DYRK1A: variants seen among roughly 807,000 people sequenced by gnomAD.
The protein encoded by DYRK1A is dual specificity tyrosine phosphorylation regulated kinase 1A.
DYRK1A carries 9 observed loss-of-function variants against 79.7 expected under a neutral mutation model. The observed-to-expected ratio is 0.11, with a 90% CI of 0.07 to 0.20. The LOEUF (loss-of-function observed/expected upper bound fraction) is 0.20, where lower values mean the gene tolerates loss of function less well. Among genes scored for constraint, DYRK1A ranks in the 10% least tolerant of loss-of-function variants. DYRK1A has a pLI of 1.00. For synonymous variants in DYRK1A, 349 were observed against 329.7 expected (o/e 1.06, Z -0.63); for missense variants, 622 against 956.0 (o/e 0.65, Z 4.61).
intron 9 of DYRK1A, among the ~76,000 whole-genome samples, chr21:37,496,646 ATTTTT>A: frequency 6.8e-6 from 1 of 147,562 alleles, no homozygotes. Flanking sequence ...GGAGTAAATG[ATTTTT>A]TTTTTTTAAG....
intron 2 of DYRK1A, among the ~76,000 whole-genome samples, chr21:37,425,442 A>G (rs1206659919): frequency 6.6e-6 from 1 of 152,178 alleles, no homozygotes; most frequent in Admixed American, 6.5e-5. Context: ...TGATTACATT[A>G]TGTATGTGTC....
In DYRK1A at chr21:37,505,579, G is replaced by T. The variant is rs763907769; in HGVS notation, c.1509G>T (p.Ser503=). ...SQSSGTTSST[S]SSSGGSSGTS... is the part of the protein sequence containing the mutation. ...CTTCGGGCACCACCTCCAGTACATC[G>T]TCAAGCTCAGGTCTGTGCTGCTGCG... The change falls in exon 10 of 12, where the codon TCG becomes TCT. Residue 503 remains serine, a synonymous_variant. Coordinates refer to ENST00000647188, the MANE Select transcript of DYRK1A (RefSeq NM_001347721.2). The T allele has an allele frequency of 3.7e-6, 6 of 1,602,984 alleles. No individual in the cohort carries two copies. The highest frequency in any genetic ancestry group is 3.3e-5 in the Admixed American group (2 of 59,872).
Position 37,525,649 on chromosome 21 carries a change from A to G in DYRK1A, c.*13118A>G, listed in dbSNP as rs1332161490. The G allele has an allele frequency of 6.6e-6, 1 of 152,258 alleles. No homozygotes were observed. The highest frequency in any genetic ancestry group is 2.4e-5 in the African/African-American group (1 of 41,470). The allele number at this position is 152,258 out of a possible 1,614,324, so 9.4% of individuals were successfully genotyped here. On this transcript the variant is annotated 3_prime_UTR_variant, in exon 12 of 12. Coordinates refer to ENST00000647188, the MANE Select transcript of DYRK1A (RefSeq NM_001347721.2). ...ATTATTCATTGTATTATTTAAGTCA[A>G]CAGATACTTTGTGAGAAATATTTGA...
At chr21:37,509,261 A>AT (rs2053685722) in intron 11 of DYRK1A, among the ~76,000 whole-genome samples, 1 of 152,236 alleles carries the variant, frequency 6.6e-6, no homozygotes, top group East Asian at 1.9e-4. Context: ...TTGTACACAA[A>AT]TAGTACCATA....
At chr21:37,371,979 A>G (rs894427988) in intron 1 of DYRK1A, among the ~76,000 whole-genome samples, 3 of 152,142 alleles carry the variant, frequency 2.0e-5, no homozygotes, top group Non-Finnish European at 4.4e-5. Flanking sequence ...TATTATCATT[A>G]TCTATATTAT....
At position 37,458,268 on chromosome 21, in the gene DYRK1A, C is replaced by CTGTGTGTGTGTGTGTGTGTG. The variant is rs3138683; in HGVS notation, c.11-14396_11-14377dup. ...TAGGGGAGGGCATCTGGGTAATTTA[C>CTGTGTGTGTGTGTGTGTGTG]TGTGTGTGTGTGTGTGTGTGTGTGT... On this transcript the variant is annotated intron_variant, in intron 2 of 11. Coordinates refer to ENST00000647188, the MANE Select transcript of DYRK1A (RefSeq NM_001347721.2). 3.0e-3 allele frequency among the ~76,000 whole-genome samples: 391 copies of CTGTGTGTGTGTGTGTGTGTG among 130,552 alleles called. 6 individuals carry two copies. Among genetic ancestry groups the CTGTGTGTGTGTGTGTGTGTG allele is most frequent in the Middle Eastern group, 0.02 (5 of 252 alleles). The allele number at this position is 130,552 out of a possible 152,430, so 85.6% of individuals were successfully genotyped here. A position where few individuals can be genotyped will look rare whatever the true frequency, so the allele number is the denominator to read the frequency against.
intron 2 of DYRK1A, among the ~76,000 whole-genome samples, chr21:37,472,257 C>T (rs912134871): frequency 2.0e-5 from 3 of 152,166 alleles, no homozygotes; most frequent in East Asian, 1.9e-4. Context: ...TGTTGTTTGC[C>T]GTAAACCTGG....
intron 2 of DYRK1A, chr21:37,430,467 T>C (rs1322650789): frequency 4.2e-6 from 4 of 951,494 alleles, no homozygotes; most frequent in Non-Finnish European, 5.0e-6. Context: ...GGATAGTTTT[T>C]ACTTTCACCT....
intron 2 of DYRK1A, among the ~76,000 whole-genome samples, chr21:37,440,922 C>T (rs1014035806): frequency 6.6e-6 from 1 of 152,100 alleles, no homozygotes; most frequent in Non-Finnish European, 1.5e-5. Flanking sequence ...TCAACTTGGT[C>T]GGTAGTGTTG....
intron 2 of DYRK1A, among the ~76,000 whole-genome samples, chr21:37,426,272 A>G (rs1390991264): frequency 2.6e-5 from 4 of 152,206 alleles, no homozygotes; most frequent in Non-Finnish European, 5.9e-5. Flanking sequence ...CAGTTTCCCC[A>G]AAGTTTTTTA....
chr21:37,424,383 A>G (rs1033829828), intron 2 of DYRK1A, among the ~76,000 whole-genome samples: 1 of 152,232 alleles, frequency 6.6e-6, no homozygotes, highest in Non-Finnish European at 1.5e-5. Context: ...GTATAAATAT[A>G]TATAGATAAG....
intron 2 of DYRK1A, among the ~76,000 whole-genome samples, chr21:37,468,895 A>G (rs894063839): frequency 1.3e-5 from 2 of 152,252 alleles, no homozygotes; most frequent in African/African-American, 2.4e-5. Context: ...GAGGGTGACA[A>G]GGCAAGCTGC....
At chr21:37,505,988 T>A in intron 10 of DYRK1A, 111 bp from the exon 11 acceptor site, 1 of 1,269,048 alleles carries the variant, frequency 7.9e-7, no homozygotes, top group Non-Finnish European at 1.1e-6. Flanking sequence ...AGAGATTTTG[T>A]ATGTGTGTGT....
chr21:37,441,029 G>A lies in DYRK1A; in HGVS notation c.10+20645G>A, dbSNP rs370762586. ...ATCTCTTAATATAATTGTGTCTATC[G>A]TTGTAGTTTTATCATTTTTTTTGGT... On this transcript the variant is annotated intron_variant, in intron 2 of 11. Transcript: ENST00000647188. Among the ~76,000 whole-genome samples, 82 of 151,770 alleles carry A rather than the reference G, an allele frequency of 5.4e-4. No homozygotes were observed. The East Asian group carries it at 9.9e-3, about 18-fold the overall frequency.
chr21:37,367,984 C>T (rs1313695280), intron 1 of DYRK1A: 1 of 161,522 alleles, frequency 6.2e-6, no homozygotes, highest in Non-Finnish European at 1.3e-5. Flanking sequence ...TCCTCTTCCC[C>T]CAGCTCCTCC....
rs2053864126 is a variant in DYRK1A, at chr21:37,515,179, G to C, written c.*2648G>C. ...TAAACAGTTGAATAATTTGTCCTCA[G>C]ACTCTTTACTATGCTTTTTTAAAAA... On this transcript the variant is annotated 3_prime_UTR_variant, in exon 12 of 12. Transcript: ENST00000647188. 6.6e-6 allele frequency: 1 copy of C among 152,618 alleles called. No individual in the cohort carries two copies. Among genetic ancestry groups the C allele is most frequent in the East Asian group, 1.9e-4 (1 of 5,198 alleles). The allele number at this position is 152,618 out of a possible 1,614,324, so 9.5% of individuals were successfully genotyped here. A position where few individuals can be genotyped will look rare whatever the true frequency, so the allele number is the denominator to read the frequency against.
At chr21:37,393,689 C>T (rs1282567751) in intron 1 of DYRK1A, among the ~76,000 whole-genome samples, 1 of 152,152 alleles carries the variant, frequency 6.6e-6, no homozygotes, top group Non-Finnish European at 1.5e-5. Context: ...CAAACCATGG[C>T]GAAATTCAGT....
Position 37,482,959 on chromosome 21 carries a change from T to C in DYRK1A, c.489+2133T>C, listed in dbSNP as rs139135711. On this transcript the variant is annotated intron_variant, in intron 5 of 11. Transcript: ENST00000647188. ...TCTTGTTCCCTGAACATTGCTGTTA[T>C]CCTGTTCTTTTTTCAAGGTGCCCAG... Among the ~76,000 whole-genome samples, 1,068 of 152,316 alleles carry C rather than the reference T, an allele frequency of 7.0e-3. 18 individuals carry two copies. The highest frequency in any genetic ancestry group is 0.024 in the African/African-American group (1,018 of 41,564).
intron 5 of DYRK1A, among the ~76,000 whole-genome samples, chr21:37,483,241 A>G (rs1265856037): frequency 1.3e-5 from 2 of 152,220 alleles, no homozygotes; most frequent in Non-Finnish European, 2.9e-5. Context: ...GAACTAATAA[A>G]TGTCCATGAA....
Sources: allele counts gnomAD v4.1 joint callset (sites outside exome capture counted in the v4.1 genomes callset), GRCh38; gene constraint gnomAD v4.1.1; transcripts MANE v1.5; gene names NCBI Gene and HGNC (gene_info 2026-07-23, HGNC 2026-07-21).